NEGR1: variants seen among roughly 807,000 people sequenced by gnomAD.
NEGR1 encodes the protein neuronal growth regulator 1.
A neutral mutation model predicts 40.9 loss-of-function variants in NEGR1; 10 were observed. The observed-to-expected ratio is 0.24, with a 90% confidence interval of 0.15 to 0.42. The LOEUF (loss-of-function observed/expected upper bound fraction) is 0.42, where lower values mean the gene tolerates loss of function less well. Among genes scored for constraint, NEGR1 ranks in the 10% least tolerant of loss-of-function variants. NEGR1 has a pLI of 1.00. For missense variants in NEGR1, 352 were observed against 438.9 expected, an observed-to-expected ratio of 0.80 and a Z score of 1.77; for synonymous variants, 185 against 166.8, an observed-to-expected ratio of 1.11 and a Z score of -0.84.
chr1:71,643,151 A>T lies in NEGR1; in HGVS notation c.668-32005T>A, dbSNP rs115199218. 5.6e-3 allele frequency among the ~76,000 whole-genome samples: 858 copies of T among 152,034 alleles called. 9 individuals are homozygous for T. The highest frequency in any genetic ancestry group is 0.019 in the African/African-American group (801 of 41,494). ...TCAGTGTGATATAAAATGGATTAAA[A>T]CCACACAAATCCCCAAATATTTGCC... is the stretch of plus-strand genomic sequence containing the variant. On this transcript the variant is annotated intron_variant, in intron 4 of 6. Coordinates refer to ENST00000357731, the MANE Select transcript of NEGR1 (RefSeq NM_173808.3).
chr1:71,997,369 T>G (rs189229139), intron 1 of NEGR1, among the ~76,000 whole-genome samples: 2 of 152,174 alleles, frequency 1.3e-5, no homozygotes, highest in Admixed American at 1.3e-4. Flanking sequence ...TAGTCCAAAG[T>G]GTAAACATAT....
intron 1 of NEGR1, among the ~76,000 whole-genome samples, chr1:72,145,784 A>T (rs1650883810): frequency 6.6e-6 from 1 of 152,070 alleles, no homozygotes; most frequent in Non-Finnish European, 1.5e-5. Flanking sequence ...CAGAATTATC[A>T]TAAAGCAATA....
At chr1:71,963,486 T>A (rs1382867048) in intron 1 of NEGR1, among the ~76,000 whole-genome samples, 3 of 152,312 alleles carry the variant, frequency 2.0e-5, no homozygotes, top group Non-Finnish European at 2.9e-5. Flanking sequence ...TAGGCACAGC[T>A]AAAGTATAAA....
At chr1:71,634,816 A>G (rs911171302) in intron 4 of NEGR1, among the ~76,000 whole-genome samples, 1 of 152,116 alleles carries the variant, frequency 6.6e-6, no homozygotes, top group African/African-American at 2.4e-5. Flanking sequence ...AGGGTCTTAG[A>G]TATTATTAAC....
At chr1:71,448,337 G>A (rs986060603) in intron 6 of NEGR1, among the ~76,000 whole-genome samples, 5 of 152,062 alleles carry the variant, frequency 3.3e-5, no homozygotes, top group East Asian at 1.9e-4. Flanking sequence ...GGTGGCTCAC[G>A]CCTCTAATCC....
chr1:72,268,145 T>C (rs902630816), intron 1 of NEGR1, among the ~76,000 whole-genome samples: 4 of 151,260 alleles, frequency 2.6e-5, no homozygotes, highest in African/African-American at 7.3e-5. Flanking sequence ...AAATACAATA[T>C]AACATGTAAC....
chr1:71,597,472 C>CTCTCTCTCTCTCTCTGTGTGTGTGTG (rs756076229), intron 5 of NEGR1, among the ~76,000 whole-genome samples: 15 of 31,332 alleles, frequency 4.8e-4, no homozygotes, highest in Non-Finnish European at 6.8e-4. Flanking sequence ...CTCTCTCTCT[C>CTCTCTCTCTCTCTCTGTGTGTGTGTG]TGTGTGTGTG....
intron 3 of NEGR1, among the ~76,000 whole-genome samples, chr1:71,761,709 A>G (rs1236159025): frequency 6.6e-6 from 1 of 152,160 alleles, no homozygotes; most frequent in East Asian, 1.9e-4. Context: ...TAACTTAACC[A>G]AAATATCCTT....
intron 4 of NEGR1, among the ~76,000 whole-genome samples, chr1:71,665,285 A>C: frequency 6.6e-6 from 1 of 152,202 alleles, no homozygotes; most frequent in Non-Finnish European, 1.5e-5. Flanking sequence ...CCTCAGTTAA[A>C]TTCTGAAGTT....
chr1:72,016,225 A>G (rs755102586), intron 1 of NEGR1, among the ~76,000 whole-genome samples: 1 of 152,198 alleles, frequency 6.6e-6, no homozygotes, highest in Non-Finnish European at 1.5e-5. Context: ...TTAAAAAAAT[A>G]TAAGTGTAAG....
intron 1 of NEGR1, among the ~76,000 whole-genome samples, chr1:72,178,069 G>T (rs949906832): frequency 6.6e-6 from 1 of 151,928 alleles, no homozygotes; most frequent in African/African-American, 2.4e-5. Flanking sequence ...AGACTACAAA[G>T]AATTCATTTT....
intron 4 of NEGR1, among the ~76,000 whole-genome samples, chr1:71,631,029 C>G (rs1447080890): frequency 6.6e-6 from 1 of 151,890 alleles, no homozygotes; most frequent in Non-Finnish European, 1.5e-5. Context: ...AATTTATTAA[C>G]TTTTACACCA....
At chr1:71,561,164 C>T (rs987806975) in intron 6 of NEGR1, among the ~76,000 whole-genome samples, 4 of 151,632 alleles carry the variant, frequency 2.6e-5, no homozygotes, top group African/African-American at 7.3e-5. Flanking sequence ...GTCCCAGCCT[C>T]CTGCTAGCCA....
intron 6 of NEGR1, among the ~76,000 whole-genome samples, chr1:71,581,875 T>C (rs1318172611): frequency 2.0e-5 from 3 of 151,910 alleles, no homozygotes; most frequent in Non-Finnish European, 4.4e-5. Context: ...GTTAATTTTG[T>C]GTATTTTTTG....
intron 1 of NEGR1, among the ~76,000 whole-genome samples, chr1:72,001,682 G>A (rs183447856): frequency 7.3e-5 from 11 of 150,474 alleles, no homozygotes; most frequent in Admixed American, 5.4e-4. Flanking sequence ...AGGGCATTAC[G>A]AACATCACAT....
intron 4 of NEGR1, among the ~76,000 whole-genome samples, chr1:71,622,471 C>T (rs1390461852): frequency 6.6e-6 from 1 of 151,786 alleles, no homozygotes; most frequent in Non-Finnish European, 1.5e-5. Context: ...TTTAGTGAAT[C>T]TTCAAAAAAT....
chr1:71,735,504 A>G (rs1315897713), intron 3 of NEGR1, among the ~76,000 whole-genome samples: 1 of 152,018 alleles, frequency 6.6e-6, no homozygotes, highest in Non-Finnish European at 1.5e-5. Context: ...TAAAATGGCA[A>G]ATGACATGGA....
At chr1:71,555,664 C>T (rs140691867) in intron 6 of NEGR1, among the ~76,000 whole-genome samples, 49 of 151,726 alleles carry the variant, frequency 3.2e-4, no homozygotes, top group African/African-American at 1.2e-3. Context: ...CTAAGTCACT[C>T]GTGAACATAA....
chr1:71,913,816 C>G (rs1661490563), intron 2 of NEGR1, among the ~76,000 whole-genome samples: 1 of 143,870 alleles, frequency 7.0e-6, no homozygotes, highest in African/African-American at 2.5e-5. Context: ...CACATGGTTG[C>G]AAACTCTAGT....
Sources: allele counts gnomAD v4.1 joint callset (sites outside exome capture counted in the v4.1 genomes callset), GRCh38; gene constraint gnomAD v4.1.1; transcripts MANE v1.5; gene names NCBI Gene and HGNC (gene_info 2026-07-23, HGNC 2026-07-21).